Variants in FAM47E observed in about 807,000 individuals in gnomAD.
FAM47E encodes the protein family with sequence similarity 47 member E, also known as protein FAM47E.
FAM47E carries 32 observed loss-of-function variants against 41.6 expected under a neutral mutation model. That is an observed-to-expected ratio of 0.77 (90% CI 0.58 to 1.03). FAM47E has a LOEUF of 1.03. FAM47E is among the 50% of genes least tolerant of loss of function. The pLI is 0.00. For synonymous variants in FAM47E, 184 were observed against 188.7 expected, an observed-to-expected ratio of 0.98 and a Z score of 0.20; for missense variants, 424 against 485.4, an observed-to-expected ratio of 0.87 and a Z score of 1.19.
intron 2 of FAM47E, chr4:76,236,371 G>A (rs1233915228): frequency 6.6e-6 from 1 of 152,144 alleles, no homozygotes; most frequent in East Asian, 1.9e-4. Flanking sequence ...GATCAAAGGT[G>A]ATCTGTGAAA....
intron 3 of FAM47E, among the ~76,000 whole-genome samples, chr4:76,267,126 G>C (rs1434046826): frequency 1.3e-5 from 2 of 152,182 alleles, no homozygotes; most frequent in African/African-American, 2.4e-5. Flanking sequence ...TATGAGGACA[G>C]GGGCTTAAGT....
chr4:76,230,421 G>A (rs1258641472), intron 2 of FAM47E, among the ~76,000 whole-genome samples: 1 of 152,070 alleles, frequency 6.6e-6, no homozygotes, highest in Non-Finnish European at 1.5e-5. Context: ...CTCAGACCTT[G>A]CCCCAGGCTA....
intron 2 of FAM47E, among the ~76,000 whole-genome samples, chr4:76,237,042 C>T (rs1176153774): frequency 6.6e-6 from 1 of 151,620 alleles, no homozygotes; most frequent in East Asian, 1.9e-4. Flanking sequence ...ACTACAGGCG[C>T]CTGTCACCAC....
At chr4:76,272,304 C>T (rs1428142741) in intron 5 of FAM47E, among the ~76,000 whole-genome samples, 1 of 152,002 alleles carries the variant, frequency 6.6e-6, no homozygotes, top group Non-Finnish European at 1.5e-5. Flanking sequence ...TATTGTGGGC[C>T]CCTAAAGTAC....
chr4:76,215,058 C>T (rs1465923), intron 1 of FAM47E, among the ~76,000 whole-genome samples: 146,946 of 152,376 alleles, frequency 0.96, 70,984 homozygotes, highest in Non-Finnish European at 0.99. Flanking sequence ...GAAAGAGGCC[C>T]GCCTTAGTAT....
At chr4:76,267,496 A>G (rs1398251485) in intron 3 of FAM47E, 1 of 152,296 alleles carries the variant, frequency 6.6e-6, no homozygotes, top group Non-Finnish European at 1.5e-5. Flanking sequence ...GAGCCAGGCC[A>G]TGCAGAGCCC....
At chr4:76,214,118 C>T (rs988102172) in exon 1 of FAM47E, 5 of 413,784 alleles carry the variant, frequency 1.2e-5, no homozygotes, top group Admixed American at 2.8e-5. Flanking sequence ...ACTCATTCCG[C>T]AGATAGGTCT....
intron 1 of FAM47E, among the ~76,000 whole-genome samples, chr4:76,215,555 T>C (rs1282150923): frequency 2.0e-5 from 3 of 152,338 alleles, no homozygotes; most frequent in Middle Eastern, 6.8e-3. Flanking sequence ...ACTTTCTCGC[T>C]TTGAATTTGG....
chr4:76,272,595 A>C (rs1411380001), intron 5 of FAM47E, among the ~76,000 whole-genome samples: 1 of 152,212 alleles, frequency 6.6e-6, no homozygotes, highest in African/African-American at 2.4e-5. Context: ...CATACGGTTT[A>C]TGAAAACTAT....
chr4:76,236,663 T>G, intron 2 of FAM47E: 1 of 117,002 alleles, frequency 8.5e-6, no homozygotes, highest in South Asian at 2.5e-4. Context: ...GTAAGACAAC[T>G]GAAAGTGGTG....
upstream of FAM47E, among the ~76,000 whole-genome samples, chr4:76,247,777 AT>A (rs1204458767): frequency 1.3e-5 from 2 of 151,542 alleles, no homozygotes; most frequent in African/African-American, 4.9e-5. Flanking sequence ...TATTTTGTCT[AT>A]TTTTTAATTG....
chr4:76,229,864 A>T (rs34846125), intron 2 of FAM47E, among the ~76,000 whole-genome samples: 2 of 152,146 alleles, frequency 1.3e-5, no homozygotes, highest in Non-Finnish European at 2.9e-5. Context: ...CCATCTGGTT[A>T]GCCATGATGT....
At chr4:76,233,503 TA>T (rs1159559098) in intron 2 of FAM47E, among the ~76,000 whole-genome samples, 2 of 152,066 alleles carry the variant, frequency 1.3e-5, no homozygotes, top group African/African-American at 4.8e-5. Flanking sequence ...TATCTTCCCT[TA>T]AAAAAATATT....
Position 76,271,779 on chromosome 4 carries a change from A to G in FAM47E, c.870+11A>G. 6.5e-7 allele frequency: 1 copy of G among 1,548,482 alleles called. No individual in the cohort carries two copies. The highest frequency in any genetic ancestry group is 8.7e-7 in the Non-Finnish European group (1 of 1,145,852). On this transcript the variant is annotated intron_variant, in intron 5 of 7. Transcript: ENST00000424749. Reference sequence around the variant, plus strand: ...CTCCAGAAACCACAGGTAATTGCAGAAGGGGACCAGACCGAAAATCAAAGA... The same window carrying G: ...CTCCAGAAACCACAGGTAATTGCAGGAGGGGACCAGACCGAAAATCAAAGA...
At chr4:76,271,519 G>A (rs1165209469) in intron 4 of FAM47E, 49 bp from the exon 5 acceptor site, 2 of 1,543,024 alleles carry the variant, frequency 1.3e-6, no homozygotes, top group Admixed American at 2.0e-5. Context: ...AGAAAGCAAA[G>A]AGCATTTCAC....
intron 2 of FAM47E, among the ~76,000 whole-genome samples, chr4:76,260,975 C>A (rs565856247): frequency 6.6e-6 from 1 of 151,292 alleles, no homozygotes; most frequent in South Asian, 2.1e-4. Flanking sequence ...GAGTGTGAGA[C>A]CCTGTCTCAA....
At position 76,280,337 on chromosome 4, in the gene FAM47E, C is replaced by A. The variant is rs758145306; in HGVS notation, c.1100C>A (p.Pro367Gln). 34 of 1,530,348 alleles carry A rather than the reference C, an allele frequency of 2.2e-5. No individual in the cohort carries two copies. The highest frequency in any genetic ancestry group is 2.5e-5 in the Non-Finnish European group (28 of 1,128,968). The allele number at this position is 1,530,348 out of a possible 1,614,324, so 94.8% of individuals were successfully genotyped here. A position where few individuals can be genotyped will look rare whatever the true frequency, so the allele number is the denominator to read the frequency against. Residue 367 changes from proline (P) to glutamine (Q), a missense_variant, in exon 7 of 8, where the codon CCA (proline) becomes CAA (glutamine). Physicochemically the swap from Pro to Gln is moderately conservative, Grantham distance 76. Coordinates refer to ENST00000424749, the MANE Select transcript of FAM47E (RefSeq NM_001136570.3). ...DFILSRGYRT[P>Q]RFLENMYIGK... is the part of the protein sequence containing the mutation. ...ATTCTAAGCAGGGGCTACAGGACGCCACGTGTGAGTAAAGGGTCCTTTCAG... is the reference window on the plus strand; with the variant it reads ...ATTCTAAGCAGGGGCTACAGGACGCAACGTGTGAGTAAAGGGTCCTTTCAG...
intron 5 of FAM47E, 32 bp from the exon 6 acceptor site, chr4:76,278,037 A>G: frequency 2.1e-6 from 3 of 1,434,900 alleles, no homozygotes; most frequent in Non-Finnish European, 2.7e-6. Flanking sequence ...ACAAAAAATC[A>G]ATGGCACTGG....
At chr4:76,222,227 CT>C (rs1163710967) in intron 2 of FAM47E, among the ~76,000 whole-genome samples, 1,526 of 143,806 alleles carry the variant, frequency 0.011, 17 homozygotes, top group African/African-American at 0.031. Flanking sequence ...TTCCTATCTT[CT>C]TTTTTTTTTT....
Sources: allele counts gnomAD v4.1 joint callset (sites outside exome capture counted in the v4.1 genomes callset), GRCh38; gene constraint gnomAD v4.1.1; transcripts MANE v1.5; gene names NCBI Gene and HGNC (gene_info 2026-07-23, HGNC 2026-07-21).